The following PLEKHG4B variants were observed in gnomAD, a reference collection of about 807,000 sequenced individuals.
PLEKHG4B encodes pleckstrin homology domain-containing family G member 4B.
In PLEKHG4B, 111 loss-of-function variants were observed where a neutral mutation model predicts 121.3. The observed-to-expected ratio is 0.92, with a 90% CI of 0.78 to 1.07. PLEKHG4B has a LOEUF of 1.07. Ranked by LOEUF, PLEKHG4B falls within the 50% of genes least tolerant of loss-of-function variation. The pLI is 0.00. For missense variants in PLEKHG4B, 1,831 were observed against 1,757.8 expected, an observed-to-expected ratio of 1.04 and a Z score of -0.74; for synonymous variants, 738 against 725.0, an observed-to-expected ratio of 1.02 and a Z score of -0.29.
intron 1 of PLEKHG4B, among the ~76,000 whole-genome samples, chr5:101,300 G>A (rs1269597915): frequency 8.2e-6 from 1 of 121,768 alleles, no homozygotes; most frequent in South Asian, 2.4e-4. Flanking sequence ...GGAAAAGCCT[G>A]TAGGGGAGAG....
intron 2 of PLEKHG4B, among the ~76,000 whole-genome samples, chr5:121,656 A>T (rs988755014): frequency 1.3e-5 from 2 of 152,222 alleles, no homozygotes; most frequent in Non-Finnish European, 2.9e-5. Context: ...AGAATGACCG[A>T]TGACTTCCTC....
chr5:107,400 G>A (rs987437418), intron 1 of PLEKHG4B, among the ~76,000 whole-genome samples: 5 of 152,198 alleles, frequency 3.3e-5, no homozygotes, highest in Non-Finnish European at 7.4e-5. Flanking sequence ...GTTGCACGAC[G>A]TTGCCCCTGA....
At chr5:97,143 T>G (rs934856794) in intron 1 of PLEKHG4B, among the ~76,000 whole-genome samples, 3 of 151,922 alleles carry the variant, frequency 2.0e-5, no homozygotes, top group African/African-American at 7.3e-5. Context: ...CAGATCGTTT[T>G]CCTCATTCCA....
At chr5:154,621 C>CTTTTTTTTTTTT (rs35893349) in intron 7 of PLEKHG4B, among the ~76,000 whole-genome samples, 3 of 131,866 alleles carry the variant, frequency 2.3e-5, no homozygotes, top group African/African-American at 5.8e-5. Flanking sequence ...TCCTTCCTCC[C>CTTTTTTTTTTTT]TTTTTTTTTT....
At chr5:115,882 G>T (rs936274352) in intron 2 of PLEKHG4B, among the ~76,000 whole-genome samples, 22 of 152,204 alleles carry the variant, frequency 1.4e-4, no homozygotes, top group African/African-American at 5.1e-4. Flanking sequence ...AGACCACAAA[G>T]ACTTTCTCCA....
chr5:152,946 A>T (rs1441510944), intron 7 of PLEKHG4B, among the ~76,000 whole-genome samples: 1 of 152,178 alleles, frequency 6.6e-6, no homozygotes, highest in Non-Finnish European at 1.5e-5. Context: ...GCCTTCTGCC[A>T]TGATTGTAAG....
At chr5:154,792 G>C in intron 7 of PLEKHG4B, 83 bp from the exon 8 acceptor site, 1 of 1,070,464 alleles carries the variant, frequency 9.3e-7, no homozygotes, top group Non-Finnish European at 1.4e-6. Context: ...TCCATCCTCT[G>C]AACCCAGGAA....
At chr5:93,897 G>T (rs945452515) in intron 1 of PLEKHG4B, among the ~76,000 whole-genome samples, 1 of 152,194 alleles carries the variant, frequency 6.6e-6, no homozygotes, top group Non-Finnish European at 1.5e-5. Context: ...GGAGGCCCCA[G>T]ATCCCCAGAT....
Position 182,167 on chromosome 5 carries a change from C to G in PLEKHG4B, c.4728C>G (p.His1576Gln). Residue 1576 changes from histidine (H) to glutamine (Q), a missense_variant, in exon 20 of 20, where the codon CAC (histidine) becomes CAG (glutamine). Physicochemically the swap from His to Gln is conservative, Grantham distance 24. Transcript: ENST00000637938. ...LGLLVSSSPA[H>Q]PGLWSPAHSP... ...TGCTTGTGTCCTCCAGCCCAGCCCA[C>G]CCGGGCCTATGGAGCCCTGCCCACA... The G allele has an allele frequency of 6.2e-7, 1 of 1,614,000 alleles. No individual in the cohort carries two copies. Among genetic ancestry groups the G allele is most frequent in the African/African-American group, 1.3e-5 (1 of 75,056 alleles).
intron 2 of PLEKHG4B, among the ~76,000 whole-genome samples, chr5:130,684 A>T (rs1734753058): frequency 6.6e-6 from 1 of 152,182 alleles, no homozygotes; most frequent in African/African-American, 2.4e-5. Context: ...CCTCATTTTA[A>T]ATAAGAAAAC....
At position 154,944 on chromosome 5, in the gene PLEKHG4B, G is replaced by A. The variant is rs753020603; in HGVS notation, c.2062G>A (p.Asp688Asn). ...VDSCQLTADL[D>N]GSFPYSHGDW... ...CAGCTGCCAGCTGACCGCAGACCTC[G>A]ACGGCTCCTTTCCCTACAGCCATGG... Residue 688 changes from aspartate (D) to asparagine (N), a missense_variant, in exon 8 of 20, where the codon GAC (aspartate) becomes AAC (asparagine). Coordinates refer to ENST00000637938, the MANE Select transcript of PLEKHG4B (RefSeq NM_052909.5). 1.7e-5 allele frequency: 27 copies of A among 1,613,504 alleles called. No individual in the cohort carries two copies. The highest frequency in any genetic ancestry group is 1.1e-4 in the South Asian group (10 of 91,078).
At chr5:154,397 C>T (rs560585342) in intron 7 of PLEKHG4B, among the ~76,000 whole-genome samples, 12 of 152,292 alleles carry the variant, frequency 7.9e-5, no homozygotes, top group South Asian at 6.2e-4. Context: ...CTCCCACACG[C>T]GGGCAGCGGC....
At chr5:101,608 G>A (rs1277774361) in intron 1 of PLEKHG4B, among the ~76,000 whole-genome samples, 4 of 131,254 alleles carry the variant, frequency 3.0e-5, no homozygotes, top group Non-Finnish European at 4.7e-5. Context: ...TAAAGCCCTG[G>A]GAAAAGTCTG....
rs1733623097 is a variant in PLEKHG4B, at chr5:186,321, A to G, written c.*3998A>G. ...GAAACACCTGTTTCCAGGCAGAGTA[A>G]TGCTTCTGTCTGAATCAGGCCTCAT... On this transcript the variant is annotated 3_prime_UTR_variant, in exon 20 of 20. Transcript: ENST00000637938. 6.6e-6 allele frequency: 1 copy of G among 152,256 alleles called. No individual in the cohort carries two copies. Among genetic ancestry groups the G allele is most frequent in the Non-Finnish European group, 1.5e-5 (1 of 68,048 alleles). 9.4% of individuals were successfully genotyped at this position (152,256 alleles called of 1,614,324 possible). A position where few individuals can be genotyped will look rare whatever the true frequency, so the allele number is the denominator to read the frequency against.
In PLEKHG4B at chr5:163,443, C is replaced by T. The variant is rs148435989; in HGVS notation, c.3371C>T (p.Pro1124Leu). The T allele has an allele frequency of 2.3e-5, 37 of 1,612,854 alleles. No individual in the cohort carries two copies. The highest frequency in any genetic ancestry group is 6.7e-5 in the African/African-American group (5 of 74,950). Residue 1124 changes from proline to leucine, a missense_variant, in exon 13 of 20, where the codon CCG becomes CTG. Pro to Leu is a moderately conservative substitution (Grantham distance 98). Transcript: ENST00000637938. ...ACTGTAGCCACAGAGAAGAAGCTCCCGCTGTGGCAGCATGCCAGGAGCCCC... is the reference window on the plus strand; with the variant it reads ...ACTGTAGCCACAGAGAAGAAGCTCCTGCTGTGGCAGCATGCCAGGAGCCCC... ...TSTVATEKKL[P>L]LWQHARSPPV...
At chr5:127,232 G>T (rs988312214) in intron 2 of PLEKHG4B, among the ~76,000 whole-genome samples, 5 of 151,960 alleles carry the variant, frequency 3.3e-5, no homozygotes, top group Non-Finnish European at 7.4e-5. Context: ...AAAATGATTT[G>T]GGGGCTGATT....
rs187580169 is a variant in PLEKHG4B at position 176,507 on chromosome 5, G to A, written c.4402+2409G>A. On this transcript the variant is annotated intron_variant, in intron 18 of 19. Transcript: ENST00000637938. ...CTCCAAAGGGACGGGGTCCGTGCTC[G>A]CAAGTGGGGAAGCTGAGGCTTCACT... Among the ~76,000 whole-genome samples, 319 of 152,360 alleles carry A rather than the reference G, an allele frequency of 2.1e-3. 2 individuals are homozygous for A. The highest frequency in any genetic ancestry group is 6.2e-3 in the African/African-American group (257 of 41,582).
At position 162,260 on chromosome 5, in the gene PLEKHG4B, T is replaced by C. The variant is rs539382538; in HGVS notation, c.2649+316T>C. On this transcript the variant is annotated intron_variant, in intron 12 of 19. Transcript: ENST00000637938. ...CAAGTGCTACAGCAGACTGCTCGCCTGCGAGCTCCCACGCGCCCCAGACCG... is the reference window on the plus strand; with the variant it reads ...CAAGTGCTACAGCAGACTGCTCGCCCGCGAGCTCCCACGCGCCCCAGACCG... Among the ~76,000 whole-genome samples, 16 of 70,588 alleles carry C rather than the reference T, an allele frequency of 2.3e-4. No individual in the cohort carries two copies. In the South Asian group the frequency reaches 8.8e-3, roughly 39 times the overall value. 46.3% of individuals were successfully genotyped at this position (70,588 alleles called of 152,430 possible). A position where few individuals can be genotyped will look rare whatever the true frequency, so the allele number is the denominator to read the frequency against.
chr5:178,846 G>C (rs751747271), intron 18 of PLEKHG4B, among the ~76,000 whole-genome samples: 1 of 152,192 alleles, frequency 6.6e-6, no homozygotes, highest in African/African-American at 2.4e-5. Context: ...ATATAAAATG[G>C]AACAGTAGTT....
Sources: allele counts gnomAD v4.1 joint callset (sites outside exome capture counted in the v4.1 genomes callset), GRCh38; gene constraint gnomAD v4.1.1; transcripts MANE v1.5; gene names NCBI Gene and HGNC (gene_info 2026-07-23, HGNC 2026-07-21).